OPCML: variants seen among roughly 807,000 people sequenced by gnomAD.
OPCML encodes the protein opioid binding protein/cell adhesion molecule like.
In OPCML, 13 loss-of-function variants were observed where a neutral mutation model predicts 37.8. The observed-to-expected ratio is 0.34, with a 90% confidence interval of 0.22 to 0.55. The LOEUF (loss-of-function observed/expected upper bound fraction) is 0.55, where lower values mean the gene tolerates loss of function less well. Ranked by LOEUF, OPCML falls within the 20% of genes least tolerant of loss-of-function variation. OPCML has a pLI of 0.91. For missense variants in OPCML, 341 were observed against 435.6 expected (o/e 0.78, Z 1.93); for synonymous variants, 176 against 168.8 (o/e 1.04, Z -0.33).
At chr11:132,577,933 T>C (rs1425952515) in intron 3 of OPCML, among the ~76,000 whole-genome samples, 1 of 152,176 alleles carries the variant, frequency 6.6e-6, no homozygotes, top group African/African-American at 2.4e-5. Flanking sequence ...GTTATACTGA[T>C]ACCAGTACAT....
intron 1 of OPCML, among the ~76,000 whole-genome samples, chr11:133,041,566 G>C (rs1257616151): frequency 6.6e-6 from 1 of 152,156 alleles, no homozygotes; most frequent in Admixed American, 6.5e-5. Context: ...GAGTATCCTA[G>C]CCTGGCCTCT....
chr11:132,924,923 T>C (rs1276797689), intron 2 of OPCML, among the ~76,000 whole-genome samples: 2 of 152,198 alleles, frequency 1.3e-5, no homozygotes, highest in East Asian at 3.9e-4. Context: ...TCTTCTGTTA[T>C]GATCCCACAG....
chr11:132,474,427 T>C (rs1358475607), intron 4 of OPCML, among the ~76,000 whole-genome samples: 3 of 152,088 alleles, frequency 2.0e-5, no homozygotes, highest in African/African-American at 2.4e-5. Context: ...GATGAAACAA[T>C]AGGCATTTCT....
chr11:132,523,199 G>A (rs1453501373), intron 4 of OPCML, among the ~76,000 whole-genome samples: 2 of 152,318 alleles, frequency 1.3e-5, no homozygotes, highest in East Asian at 1.9e-4. Context: ...GAGCCACCGC[G>A]CTCAGCTGAT....
chr11:132,627,045 A>G (rs1376836202), intron 3 of OPCML, among the ~76,000 whole-genome samples: 3 of 152,124 alleles, frequency 2.0e-5, no homozygotes, highest in Non-Finnish European at 4.4e-5. Flanking sequence ...AAGATAAATA[A>G]GCAGATCCAT....
intron 4 of OPCML, among the ~76,000 whole-genome samples, chr11:132,482,289 C>A (rs1191330334): frequency 6.6e-6 from 1 of 152,124 alleles, no homozygotes; most frequent in Admixed American, 6.5e-5. Context: ...ATACTACAAA[C>A]ACCTCTATGC....
intron 1 of OPCML, chr11:133,006,916 A>G (rs1400607843): frequency 2.0e-6 from 2 of 985,350 alleles, no homozygotes; most frequent in East Asian, 1.1e-4. Context: ...AGGCTGGTGT[A>G]GTGCTTGTGG....
chr11:132,514,229 G>A (rs1352595671), intron 4 of OPCML, among the ~76,000 whole-genome samples: 1 of 152,128 alleles, frequency 6.6e-6, no homozygotes, highest in East Asian at 1.9e-4. Flanking sequence ...TGACAATGAG[G>A]ACATGCCATG....
At chr11:132,793,531 A>G (rs914032185) in intron 2 of OPCML, among the ~76,000 whole-genome samples, 12 of 152,154 alleles carry the variant, frequency 7.9e-5, no homozygotes, top group African/African-American at 2.7e-4. Flanking sequence ...TTTGTGAAAG[A>G]GGCAGGATTA....
intron 1 of OPCML, among the ~76,000 whole-genome samples, chr11:133,280,359 G>A (rs1942110955): frequency 6.6e-6 from 1 of 152,192 alleles, no homozygotes; most frequent in Non-Finnish European, 1.5e-5. Context: ...TGTTGAGCAG[G>A]AACCACTCAG....
At chr11:132,666,687 CT>C (rs1942239238) in intron 2 of OPCML, among the ~76,000 whole-genome samples, 1 of 152,132 alleles carries the variant, frequency 6.6e-6, no homozygotes, top group Non-Finnish European at 1.5e-5. Flanking sequence ...GTATTGGGTA[CT>C]GATAGAGTCT....
At chr11:132,597,952 C>G (rs952873748) in intron 3 of OPCML, among the ~76,000 whole-genome samples, 1 of 152,032 alleles carries the variant, frequency 6.6e-6, no homozygotes, top group African/African-American at 2.4e-5. Context: ...CTACCTGGAA[C>G]GCCCTCTTGT....
intron 1 of OPCML, among the ~76,000 whole-genome samples, chr11:133,144,476 G>T (rs1051818203): frequency 6.6e-6 from 1 of 152,240 alleles, no homozygotes; most frequent in African/African-American, 2.4e-5. Flanking sequence ...ATGGCAAGGA[G>T]GGATGGACTC....
intron 1 of OPCML, among the ~76,000 whole-genome samples, chr11:133,325,017 T>TACC (rs1479876129): frequency 6.6e-6 from 1 of 152,214 alleles, no homozygotes; most frequent in Non-Finnish European, 1.5e-5. Context: ...GATTTGCAAG[T>TACC]ACCACGTTCT....
Position 133,206,918 on chromosome 11 carries a change from G to A in OPCML, c.62-263908C>T, listed in dbSNP as rs1217646205. Among the ~76,000 whole-genome samples the A allele has an allele frequency of 2.0e-5, 3 of 152,110 alleles. No homozygotes were observed. Among genetic ancestry groups the A allele is most frequent in the African/African-American group, 7.2e-5 (3 of 41,428 alleles). ...CTGGGATCACCAATGACTGAGAAGC[G>A]AGGCCCGGATCACGTAATCCAGATG... On this transcript the variant is annotated intron_variant, in intron 1 of 7. Coordinates refer to ENST00000524381, the MANE Select transcript of OPCML (RefSeq NM_001012393.5). This position sits in a 1 kb window ranked among gnomAD's most constrained non-coding sequence, Gnocchi z 4.7.
At chr11:133,007,399 C>T in intron 1 of OPCML, 1 of 985,404 alleles carries the variant, frequency 1.0e-6, no homozygotes, top group Non-Finnish European at 1.2e-6. Flanking sequence ...TGCTTATCGC[C>T]CCATTAAAGA....
intron 1 of OPCML, among the ~76,000 whole-genome samples, chr11:133,295,485 C>G (rs1230401290): frequency 6.6e-6 from 1 of 152,146 alleles, no homozygotes; most frequent in Non-Finnish European, 1.5e-5. Flanking sequence ...AGAATCTGTA[C>G]TCTTAAGTGT....
At chr11:133,458,498 GTGTGTGTATATACACATATATACAC>G (rs1946756967) in intron 1 of OPCML, among the ~76,000 whole-genome samples, 2 of 95,980 alleles carry the variant, frequency 2.1e-5, no homozygotes, top group Admixed American at 9.5e-5. Flanking sequence ...ATATACACGT[GTGTGTGTATATACACATATATACAC>G]TGTGTGTGTA....
chr11:133,109,710 C>CG (rs1344803167), intron 1 of OPCML, among the ~76,000 whole-genome samples: 1 of 152,184 alleles, frequency 6.6e-6, no homozygotes, highest in East Asian at 1.9e-4. Flanking sequence ...ACCTGGTGAC[C>CG]TGACCTCTTT....
Sources: gnomAD v4.1 joint callset for allele counts (sites outside exome capture counted in the v4.1 genomes callset) on GRCh38, gnomAD v4.1.1 for gene constraint, Gnocchi (gnomAD v3.1) non-coding constraint, MANE v1.5 for transcripts, NCBI Gene and HGNC (gene_info 2026-07-23, HGNC 2026-07-21) for gene names.